MALRD1: variants seen among roughly 807,000 people sequenced by gnomAD.
The protein encoded by MALRD1 is MAM and LDL-receptor class A domain-containing protein 1.
Under a neutral mutation model 242.1 loss-of-function variants are expected in MALRD1, and 247 were observed. The observed-to-expected ratio is 1.02, with a 90% confidence interval of 0.92 to 1.13. MALRD1 has a LOEUF of 1.13. Among genes scored for constraint, MALRD1 ranks in the 50% most tolerant of loss-of-function variants. The pLI is 0.00. For synonymous variants in MALRD1, 995 were observed against 866.6 expected (o/e 1.15, Z -2.60); for missense variants, 2,989 against 2,533.1 (o/e 1.18, Z -3.86).
chr10:19,509,923 G>T (rs904544188), intron 31 of MALRD1, among the ~76,000 whole-genome samples: 5 of 149,948 alleles, frequency 3.3e-5, no homozygotes, highest in Non-Finnish European at 7.4e-5. Flanking sequence ...TGGGCCCAGG[G>T]GACCGGCGCT....
chr10:19,227,473 C>G (rs1837848117), intron 18 of MALRD1, among the ~76,000 whole-genome samples: 1 of 151,822 alleles, frequency 6.6e-6, no homozygotes, highest in African/African-American at 2.4e-5. Context: ...CAAATTAACT[C>G]AACATGTATT....
At chr10:19,248,980 T>C (rs1183674153) in intron 18 of MALRD1, among the ~76,000 whole-genome samples, 1 of 146,968 alleles carries the variant, frequency 6.8e-6, no homozygotes, top group Non-Finnish European at 1.5e-5. Context: ...GTAATATAAA[T>C]ATATGTTATA....
intron 32 of MALRD1, among the ~76,000 whole-genome samples, chr10:19,559,073 C>T (rs893853147): frequency 2.6e-5 from 4 of 151,784 alleles, no homozygotes; most frequent in African/African-American, 9.7e-5. Flanking sequence ...ATCCCAGTTA[C>T]TCAGGAGGCT....
chr10:19,398,789 A>G (rs973990192), intron 28 of MALRD1, among the ~76,000 whole-genome samples: 1 of 152,238 alleles, frequency 6.6e-6, no homozygotes, highest in African/African-American at 2.4e-5. Flanking sequence ...GGAATTTCTT[A>G]TATAAAAAAG....
At chr10:19,366,478 C>T (rs1029838842) in intron 26 of MALRD1, among the ~76,000 whole-genome samples, 7 of 152,116 alleles carry the variant, frequency 4.6e-5, no homozygotes, top group African/African-American at 1.7e-4. Context: ...TTGGCCAGTT[C>T]CTAACAGGCT....
Position 19,257,684 on chromosome 10 carries a change from A to G in MALRD1, c.2992A>G (p.Ile998Val). 4 of 1,524,312 alleles carry G rather than the reference A, an allele frequency of 2.6e-6. No homozygotes were observed. Among genetic ancestry groups the G allele is most frequent in the Non-Finnish European group, 8.8e-7 (1 of 1,130,418 alleles). 94.4% of individuals were successfully genotyped at this position (1,524,312 alleles called of 1,614,324 possible). Reference sequence around the variant, plus strand: ...TTTATTTTTTATTTTATTTTTTTAGATATTGGTGGAGGCTTCAGTGGGAGA... The same window carrying G: ...TTTATTTTTTATTTTATTTTTTTAGGTATTGGTGGAGGCTTCAGTGGGAGA... ...LNISSRQPFQILVEASVGDGF... is the reference protein window; with the variant it reads ...LNISSRQPFQVLVEASVGDGF... Residue 998 changes from isoleucine (I) to valine (V), a missense_variant and splice_region_variant, in exon 19 of 40, where the codon ATA (isoleucine) becomes GTA (valine). Coordinates refer to ENST00000454679, the MANE Select transcript of MALRD1 (RefSeq NM_001142308.3).
intron 33 of MALRD1, among the ~76,000 whole-genome samples, chr10:19,577,352 G>T (rs182904300): frequency 2.2e-4 from 34 of 152,200 alleles, no homozygotes; most frequent in Non-Finnish European, 4.3e-4. Context: ...TCCTAGAAGG[G>T]ATATTAGATT....
At chr10:19,297,982 G>T (rs561417933) in intron 21 of MALRD1, among the ~76,000 whole-genome samples, 7 of 152,074 alleles carry the variant, frequency 4.6e-5, no homozygotes, top group Non-Finnish European at 8.8e-5. Flanking sequence ...AAGAGCAACG[G>T]CTTGGGAGTT....
chr10:19,689,424 C>A (rs561583969), intron 36 of MALRD1, among the ~76,000 whole-genome samples: 4 of 152,180 alleles, frequency 2.6e-5, no homozygotes, highest in Non-Finnish European at 4.4e-5. Context: ...ATAAACATCA[C>A]GTGACCATTT....
intron 24 of MALRD1, among the ~76,000 whole-genome samples, chr10:19,344,665 A>G (rs1238813049): frequency 1.3e-5 from 2 of 151,086 alleles, no homozygotes; most frequent in East Asian, 3.9e-4. Context: ...TTATAAAAAT[A>G]TATATCTACA....
intron 33 of MALRD1, among the ~76,000 whole-genome samples, chr10:19,573,826 A>G (rs995850010): frequency 6.6e-6 from 1 of 152,150 alleles, no homozygotes; most frequent in African/African-American, 2.4e-5. Flanking sequence ...TAAATACAAT[A>G]AATAATGAGG....
intron 2 of MALRD1, among the ~76,000 whole-genome samples, chr10:19,073,340 A>AT (rs1219146972): frequency 1.3e-5 from 2 of 152,138 alleles, no homozygotes. Flanking sequence ...GTTAATTTTA[A>AT]TGCAAAAGCT....
chr10:19,219,542 T>C (rs1341960389), intron 18 of MALRD1, among the ~76,000 whole-genome samples: 1 of 152,116 alleles, frequency 6.6e-6, no homozygotes, highest in Non-Finnish European at 1.5e-5. Flanking sequence ...GCTCAAGTGA[T>C]GCTCTTGATT....
chr10:19,601,786 C>G (rs1328904237), intron 34 of MALRD1, among the ~76,000 whole-genome samples: 1 of 151,824 alleles, frequency 6.6e-6, no homozygotes, highest in African/African-American at 2.4e-5. Context: ...ATTCCTATCT[C>G]CAATAGAGGA....
At chr10:19,320,987 T>G (rs367604838) in intron 21 of MALRD1, among the ~76,000 whole-genome samples, 60 of 152,072 alleles carry the variant, frequency 3.9e-4, no homozygotes, top group African/African-American at 1.3e-3. Context: ...TGTCAGATGG[T>G]TATATTGCAA....
intron 30 of MALRD1, among the ~76,000 whole-genome samples, chr10:19,494,477 C>G (rs915015497): frequency 1.3e-5 from 2 of 152,046 alleles, no homozygotes; most frequent in African/African-American, 4.8e-5. Flanking sequence ...TGGGTAGGAA[C>G]AAATACTATT....
chr10:19,691,302 C>T (rs779128768), intron 36 of MALRD1, among the ~76,000 whole-genome samples: 19 of 152,058 alleles, frequency 1.2e-4, no homozygotes, highest in Admixed American at 3.9e-4. Flanking sequence ...TGAACCTCCA[C>T]GCTTTTTATA....
At chr10:19,188,275 T>C (rs1835824057) in intron 14 of MALRD1, among the ~76,000 whole-genome samples, 1 of 152,192 alleles carries the variant, frequency 6.6e-6, no homozygotes, top group South Asian at 2.1e-4. Context: ...GAAAATAGCC[T>C]ACTAGGAGAA....
chr10:19,353,538 A>G (rs147862694), intron 26 of MALRD1, among the ~76,000 whole-genome samples: 1 of 152,206 alleles, frequency 6.6e-6, no homozygotes, highest in Non-Finnish European at 1.5e-5. Flanking sequence ...AAGTTTCTAG[A>G]TAAATGTTTC....
Sources: gnomAD v4.1 joint callset for allele counts (sites outside exome capture counted in the v4.1 genomes callset) on GRCh38, gnomAD v4.1.1 for gene constraint, MANE v1.5 for transcripts, NCBI Gene and HGNC (gene_info 2026-07-23, HGNC 2026-07-21) for gene names.